Variants in LAMA2 observed in about 807,000 individuals in gnomAD.
LAMA2 encodes the protein laminin subunit alpha-2.
A neutral mutation model predicts 364.8 loss-of-function variants in LAMA2; 269 were observed. That is an observed-to-expected ratio of 0.74 (90% CI 0.67 to 0.82). The LOEUF is 0.82. Among genes scored for constraint, LAMA2 ranks in the 40% least tolerant of loss-of-function variants. The pLI, the probability that LAMA2 is intolerant of heterozygous loss-of-function variation, is 0.00. For missense variants in LAMA2, 3,807 were observed against 3,873.2 expected (o/e 0.98, Z 0.45); for synonymous variants, 1,379 against 1,370.6 (o/e 1.01, Z -0.14).
chr6:129,008,199 T>A (rs1784549450), intron 1 of LAMA2, among the ~76,000 whole-genome samples: 1 of 152,144 alleles, frequency 6.6e-6, no homozygotes, highest in African/African-American at 2.4e-5. Context: ...GGTATTAATC[T>A]TTGTGCCAAA....
chr6:129,058,589 C>G lies in LAMA2; in HGVS notation c.284-1195C>G, dbSNP rs569427854. 2.6e-5 allele frequency among the ~76,000 whole-genome samples: 4 copies of G among 152,218 alleles called. No individual in the cohort carries two copies. The South Asian group carries it at 8.3e-4, about 32-fold the overall frequency. On this transcript the variant is annotated intron_variant, in intron 2 of 64. Transcript: ENST00000421865. ...CCACTAGAGTTAGTGATGATGGCAACAGACAAATGCCGGATGAGAGGTTTG... is the reference window on the plus strand; with the variant it reads ...CCACTAGAGTTAGTGATGATGGCAAGAGACAAATGCCGGATGAGAGGTTTG...
intron 3 of LAMA2, among the ~76,000 whole-genome samples, chr6:129,068,489 G>A (rs1301539726): frequency 1.3e-5 from 2 of 152,118 alleles, no homozygotes; most frequent in African/African-American, 4.8e-5. Context: ...ATGGCAGAAG[G>A]GGCAAATAAG....
chr6:128,966,758 TTTC>T (rs1781868616), intron 1 of LAMA2, among the ~76,000 whole-genome samples: 1 of 152,186 alleles, frequency 6.6e-6, no homozygotes, highest in Admixed American at 6.5e-5. Context: ...GAAATGGGCT[TTTC>T]TTCATCAAAT....
At chr6:128,930,016 C>G in intron 1 of LAMA2, 1 of 502,440 alleles carries the variant, frequency 2.0e-6, no homozygotes, top group African/African-American at 2.0e-5. Flanking sequence ...CTGCCAGCCT[C>G]GGCGTTGCAG....
intron 1 of LAMA2, among the ~76,000 whole-genome samples, chr6:129,029,672 A>G (rs758381704): frequency 7.2e-5 from 11 of 152,052 alleles, no homozygotes; most frequent in Non-Finnish European, 1.5e-4. Flanking sequence ...CTGGAAAAAA[A>G]CAGATATGCT....
At chr6:129,280,906 C>T (rs1323089398) in intron 18 of LAMA2, among the ~76,000 whole-genome samples, 4 of 152,088 alleles carry the variant, frequency 2.6e-5, no homozygotes, top group African/African-American at 7.2e-5. Flanking sequence ...AGGAAGTGAC[C>T]TACTTTCACT....
chr6:129,401,385 T>G (rs761867301), intron 38 of LAMA2, 45 bp downstream of exon 38: 1 of 1,174,940 alleles, frequency 8.5e-7, no homozygotes, highest in Non-Finnish European at 1.3e-6. Flanking sequence ...AATGAATAAA[T>G]GGGAGCCGAT....
chr6:129,080,100 A>G (rs1047537162), intron 3 of LAMA2, among the ~76,000 whole-genome samples: 4 of 152,202 alleles, frequency 2.6e-5, no homozygotes, highest in African/African-American at 9.6e-5. Flanking sequence ...GCACTTTTTG[A>G]AATCCTGTTT....
At chr6:129,115,608 T>G (rs546552378) in intron 4 of LAMA2, among the ~76,000 whole-genome samples, 24 of 152,218 alleles carry the variant, frequency 1.6e-4, no homozygotes, top group African/African-American at 3.6e-4. Flanking sequence ...CAGTCTGTTT[T>G]CTCTCCTACC....
intron 41 of LAMA2, among the ~76,000 whole-genome samples, chr6:129,430,741 A>G (rs957289545): frequency 3.3e-5 from 5 of 152,134 alleles, no homozygotes; most frequent in African/African-American, 1.2e-4. Context: ...CGAGGCAGGC[A>G]GAGAAGTGGG....
intron 9 of LAMA2, among the ~76,000 whole-genome samples, chr6:129,170,095 G>A (rs1025137049): frequency 2.6e-5 from 4 of 151,218 alleles, no homozygotes; most frequent in African/African-American, 9.8e-5. Flanking sequence ...CAATTTTGTT[G>A]ACCCTTTCAA....
At chr6:129,497,543 A>C (rs1211465679) in intron 58 of LAMA2, among the ~76,000 whole-genome samples, 1 of 152,216 alleles carries the variant, frequency 6.6e-6, no homozygotes, top group Non-Finnish European at 1.5e-5. Context: ...CCCAGAATTT[A>C]GCTTTTTAAG....
At chr6:129,486,048 A>ATCTCT (rs1491431664) in intron 55 of LAMA2, among the ~76,000 whole-genome samples, 1 of 152,254 alleles carries the variant, frequency 6.6e-6, no homozygotes, top group African/African-American at 2.4e-5. Context: ...CTACCAGCTC[A>ATCTCT]GAGAACAAAT....
intron 1 of LAMA2, among the ~76,000 whole-genome samples, chr6:129,029,210 T>C (rs1786051790): frequency 6.6e-6 from 1 of 151,970 alleles, no homozygotes; most frequent in South Asian, 2.1e-4. Context: ...AATTACTCTG[T>C]GTGCAAGTGT....
At chr6:129,186,037 C>G (rs1179089649) in intron 10 of LAMA2, among the ~76,000 whole-genome samples, 1 of 151,512 alleles carries the variant, frequency 6.6e-6, no homozygotes, top group African/African-American at 2.4e-5. Flanking sequence ...CTAATGGACT[C>G]TATACAAATA....
chr6:129,493,544 A>G (rs73776189), intron 58 of LAMA2, among the ~76,000 whole-genome samples: 2,538 of 152,226 alleles, frequency 0.017, 68 homozygotes, highest in African/African-American at 0.057. Flanking sequence ...GACATCAAAG[A>G]CTTTGTATCA....
In LAMA2 at chr6:129,165,524, A is replaced by G. The variant is rs537883636; in HGVS notation, c.1207-52A>G. On this transcript the variant is annotated intron_variant, in intron 8 of 64. Coordinates refer to ENST00000421865, the MANE Select transcript of LAMA2 (RefSeq NM_000426.4). Reference sequence around the variant, plus strand: ...CTATAAAAGTTTGCTGAAGTGAAAAATATTGCTGTTTCTATTACACTTCGT... The same window carrying G: ...CTATAAAAGTTTGCTGAAGTGAAAAGTATTGCTGTTTCTATTACACTTCGT... 1.6e-5 allele frequency: 20 copies of G among 1,245,066 alleles called. No individual in the cohort carries two copies. In the East Asian group the frequency reaches 4.1e-4, roughly 25 times the overall value. The allele number at this position is 1,245,066 out of a possible 1,614,324, so 77.1% of individuals were successfully genotyped here.
At chr6:129,340,849 AAAAG>A in intron 29 of LAMA2, among the ~76,000 whole-genome samples, 1 of 151,220 alleles carries the variant, frequency 6.6e-6, no homozygotes, top group South Asian at 2.1e-4. Flanking sequence ...AAAAAAAAAA[AAAAG>A]AGAAAAAGAA....
chr6:129,441,119 T>C, intron 43 of LAMA2, 121 bp downstream of exon 43: 1 of 868,248 alleles, frequency 1.2e-6, no homozygotes, highest in South Asian at 1.4e-5. Context: ...CCTTCCTTCT[T>C]TCATAGATTG....
Sources: gnomAD v4.1 joint callset for allele counts (sites outside exome capture counted in the v4.1 genomes callset) on GRCh38, gnomAD v4.1.1 for gene constraint, MANE v1.5 for transcripts, NCBI Gene and HGNC (gene_info 2026-07-23, HGNC 2026-07-21) for gene names.